ADCY2: variants seen among roughly 807,000 people sequenced by gnomAD.
The protein encoded by ADCY2 is adenylate cyclase type 2.
Under a neutral mutation model 125.2 loss-of-function variants are expected in ADCY2, and 31 were observed. The ratio of observed to expected loss-of-function variants is 0.25; its 90% CI spans 0.19 to 0.33. ADCY2 has a LOEUF of 0.33. Ranked by LOEUF, ADCY2 falls within the 10% of genes least tolerant of loss-of-function variation. The pLI is 1.00. For missense variants in ADCY2, 904 were observed against 1,418.2 expected (o/e 0.64, Z 5.82); for synonymous variants, 512 against 548.4 (o/e 0.93, Z 0.93).
chr5:7,615,909 C>T (rs1489784879), intron 3 of ADCY2, among the ~76,000 whole-genome samples: 19 of 152,250 alleles, frequency 1.2e-4, no homozygotes, highest in Admixed American at 1.2e-3. Context: ...ATGCAACACT[C>T]AACAGACACA....
intron 14 of ADCY2, among the ~76,000 whole-genome samples, chr5:7,728,827 A>G (rs1742011769): frequency 6.6e-6 from 1 of 152,076 alleles, no homozygotes; most frequent in African/African-American, 2.4e-5. Context: ...GGTGCTGGGG[A>G]TGGGGAGAGT....
intron 22 of ADCY2, among the ~76,000 whole-genome samples, chr5:7,810,682 T>C (rs577050747): frequency 2.0e-4 from 30 of 152,218 alleles, no homozygotes; most frequent in African/African-American, 6.0e-4. Flanking sequence ...ATCTGTTTGA[T>C]TGGTGGGTTA....
chr5:7,673,794 C>T (rs948473879), intron 4 of ADCY2, among the ~76,000 whole-genome samples: 22 of 151,996 alleles, frequency 1.4e-4, no homozygotes, highest in Non-Finnish European at 1.9e-4. Flanking sequence ...GGCCTCAGAG[C>T]AGGGCTGGGA....
chr5:7,639,935 G>T (rs1738635817), intron 4 of ADCY2, among the ~76,000 whole-genome samples: 1 of 152,106 alleles, frequency 6.6e-6, no homozygotes, highest in Non-Finnish European at 1.5e-5. Flanking sequence ...CTTCCAGTAG[G>T]GAGTGTAGAC....
intron 17 of ADCY2, among the ~76,000 whole-genome samples, chr5:7,771,544 C>T (rs111752940): frequency 0.018 from 2,774 of 152,238 alleles, 92 homozygotes; most frequent in African/African-American, 0.063. Flanking sequence ...GGTCGAAGTC[C>T]TTACTGATGG....
chr5:7,439,195 A>C (rs1259278353), intron 2 of ADCY2, among the ~76,000 whole-genome samples: 3 of 152,190 alleles, frequency 2.0e-5, no homozygotes, highest in Non-Finnish European at 4.4e-5. Context: ...TCACACTGCT[A>C]ATAAAGACAT....
chr5:7,530,850 G>A (rs1053531907), intron 3 of ADCY2, among the ~76,000 whole-genome samples: 14 of 152,000 alleles, frequency 9.2e-5, no homozygotes, highest in African/African-American at 3.4e-4. Context: ...TGTACCCTCT[G>A]CCCAGAGTGC....
chr5:7,755,937 C>A (rs1013739767), intron 15 of ADCY2, among the ~76,000 whole-genome samples: 1 of 152,242 alleles, frequency 6.6e-6, no homozygotes, highest in Non-Finnish European at 1.5e-5. Context: ...TCACTGATGT[C>A]ACACCAGCTT....
At position 7,431,785 on chromosome 5, in the gene ADCY2, A is replaced by T. The variant is rs112218997; in HGVS notation, c.408+17015A>T. On this transcript the variant is annotated intron_variant, in intron 2 of 24. Coordinates refer to ENST00000338316, the MANE Select transcript of ADCY2 (RefSeq NM_020546.3). Reference sequence around the variant, plus strand: ...CAAAACCTTCAAAAAATACTTTATCATGGAAGACAGATGGTTGGCAAATAC... The same window carrying T: ...CAAAACCTTCAAAAAATACTTTATCTTGGAAGACAGATGGTTGGCAAATAC... Among the ~76,000 whole-genome samples, 1,159 of 152,308 alleles carry T rather than the reference A, an allele frequency of 7.6e-3. 16 individuals are homozygous for T. The highest frequency in any genetic ancestry group is 0.026 in the African/African-American group (1,095 of 41,560).
chr5:7,576,862 A>C (rs77778225), intron 3 of ADCY2, among the ~76,000 whole-genome samples: 12,360 of 152,266 alleles, frequency 0.081, 722 homozygotes, highest in Non-Finnish European at 0.12. Flanking sequence ...TTGCTTAATA[A>C]GTAGAGCTAG....
intron 11 of ADCY2, among the ~76,000 whole-genome samples, chr5:7,715,546 A>G (rs1741568209): frequency 7.3e-6 from 1 of 136,742 alleles, no homozygotes; most frequent in African/African-American, 2.7e-5. Flanking sequence ...TTGGTAAAGG[A>G]TTCCTTGCTT....
chr5:7,720,452 G>A (rs1741721875), intron 12 of ADCY2, among the ~76,000 whole-genome samples: 2 of 151,938 alleles, frequency 1.3e-5, no homozygotes, highest in African/African-American at 4.9e-5. Flanking sequence ...CAACGTGCAG[G>A]TTTGTTACAT....
chr5:7,815,461 A>C (rs933117708), intron 22 of ADCY2, among the ~76,000 whole-genome samples: 1 of 152,062 alleles, frequency 6.6e-6, no homozygotes, highest in Non-Finnish European at 1.5e-5. Flanking sequence ...ACCGTGCTCC[A>C]CCCCACTTTG....
At chr5:7,601,114 C>T (rs1213888131) in intron 3 of ADCY2, among the ~76,000 whole-genome samples, 1 of 152,102 alleles carries the variant, frequency 6.6e-6, no homozygotes, top group Non-Finnish European at 1.5e-5. Context: ...AATTGGAATT[C>T]AGGATGACTG....
chr5:7,554,315 C>T (rs757696428), intron 3 of ADCY2, among the ~76,000 whole-genome samples: 1 of 152,094 alleles, frequency 6.6e-6, no homozygotes, highest in Non-Finnish European at 1.5e-5. Flanking sequence ...CACTTTTGTC[C>T]CACATGAGAG....
chr5:7,416,487 A>T (rs1053452650), intron 2 of ADCY2, among the ~76,000 whole-genome samples: 27 of 152,172 alleles, frequency 1.8e-4, no homozygotes, highest in African/African-American at 6.0e-4. Flanking sequence ...TCAATTAGAA[A>T]TCCTGGCTAA....
intron 12 of ADCY2, among the ~76,000 whole-genome samples, chr5:7,717,622 G>A (rs1301784584): frequency 6.6e-6 from 1 of 152,152 alleles, no homozygotes; most frequent in African/African-American, 2.4e-5. Flanking sequence ...AATTAATGTT[G>A]AGATACCTGT....
At chr5:7,592,218 C>T (rs1182995334) in intron 3 of ADCY2, among the ~76,000 whole-genome samples, 1 of 151,994 alleles carries the variant, frequency 6.6e-6, no homozygotes, top group Non-Finnish European at 1.5e-5. Context: ...TGTATTTTTG[C>T]TTTTTAATTC....
rs138636013 is a variant in ADCY2 at position 7,414,300 on chromosome 5, C to T, written c.211-273C>T. ...CTTACATTCACTTCTGAATAAAATC[C>T]ATTTCTGCATTTATCAGGGAAGATG... On this transcript the variant is annotated intron_variant, in intron 1 of 24. Coordinates refer to ENST00000338316, the MANE Select transcript of ADCY2 (RefSeq NM_020546.3). Among the ~76,000 whole-genome samples the T allele has an allele frequency of 5.0e-3, 763 of 152,206 alleles. 1 individual carries two copies. The highest frequency in any genetic ancestry group is 8.1e-3 in the Non-Finnish European group (549 of 68,010).
Sources: gnomAD v4.1 joint callset for allele counts (sites outside exome capture counted in the v4.1 genomes callset) on GRCh38, gnomAD v4.1.1 for gene constraint, MANE v1.5 for transcripts, NCBI Gene and HGNC (gene_info 2026-07-23, HGNC 2026-07-21) for gene names.